The following AFF2 variants were observed in gnomAD, a reference collection of about 807,000 sequenced individuals.
The protein encoded by AFF2 is AF4/FMR2 family member 2.
AFF2 carries 14 observed loss-of-function variants against 76.9 expected under a neutral mutation model. The ratio of observed to expected loss-of-function variants is 0.18; its 90% CI spans 0.12 to 0.28. The LOEUF (loss-of-function observed/expected upper bound fraction) is 0.28, where lower values mean the gene tolerates loss of function less well. AFF2 is among the 10% of genes least tolerant of loss of function. The pLI, the probability that AFF2 is intolerant of heterozygous loss-of-function variation, is 1.00. For synonymous variants in AFF2, 398 were observed against 366.7 expected, an observed-to-expected ratio of 1.09 and a Z score of -0.98; for missense variants, 868 against 1,001.1, an observed-to-expected ratio of 0.87 and a Z score of 1.79.
At chrX:148,991,161 T>C in intron 20 of AFF2, 50 bp from the exon 21 acceptor site, 1 of 1,135,346 alleles carries the variant, frequency 8.8e-7, no homozygotes, top group Non-Finnish European at 1.2e-6. Flanking sequence ...GTGGTGCATA[T>C]TTTCATGATA....
intron 3 of AFF2, among the ~76,000 whole-genome samples, chrX:148,745,661 C>A (rs2055412110): frequency 9.0e-6 from 1 of 111,525 alleles, no homozygotes; most frequent in Non-Finnish European, 1.9e-5. Flanking sequence ...AATACTGAAG[C>A]CTGCAGTGCC....
chrX:148,573,687 C>T (rs1196496674), intron 1 of AFF2, among the ~76,000 whole-genome samples: 2 of 110,991 alleles, frequency 1.8e-5, no homozygotes, highest in Non-Finnish European at 3.8e-5. Context: ...GTGTCTTATT[C>T]CCACAACATA....
At chrX:148,891,616 G>A (rs943521627) in intron 8 of AFF2, among the ~76,000 whole-genome samples, 1 of 111,718 alleles carries the variant, frequency 9.0e-6, no homozygotes, top group Non-Finnish European at 1.9e-5. Context: ...TTAGAGCCAG[G>A]TAAACATCTG....
chrX:148,550,584 T>C (rs1476965036), intron 1 of AFF2, among the ~76,000 whole-genome samples: 2 of 111,703 alleles, frequency 1.8e-5, no homozygotes, highest in East Asian at 5.6e-4. Context: ...CAAGCTATGA[T>C]TTTTTGACCT....
intron 9 of AFF2, among the ~76,000 whole-genome samples, chrX:148,935,418 C>CACAT (rs1204207253): frequency 1.8e-5 from 2 of 109,599 alleles, no homozygotes; most frequent in African/African-American, 6.7e-5. Flanking sequence ...CACACACACA[C>CACAT]ATATATATGA....
chrX:148,979,256 G>A (rs781786802), intron 18 of AFF2, among the ~76,000 whole-genome samples: 16 of 111,960 alleles, frequency 1.4e-4, no homozygotes, highest in Non-Finnish European at 3.0e-4. Flanking sequence ...TGAAATGAGC[G>A]AAATTATGGC....
intron 1 of AFF2, among the ~76,000 whole-genome samples, chrX:148,567,904 C>T (rs782772188): frequency 9.0e-6 from 1 of 111,450 alleles, no homozygotes; most frequent in Non-Finnish European, 1.9e-5. Flanking sequence ...TCAGGAGGAG[C>T]GAGGTGTTCT....
intron 1 of AFF2, among the ~76,000 whole-genome samples, chrX:148,568,607 C>T (rs2053195874): frequency 8.9e-6 from 1 of 111,950 alleles, no homozygotes; most frequent in Admixed American, 9.5e-5. Flanking sequence ...TATCTGGTAA[C>T]TGACAAAAGA....
intron 1 of AFF2, among the ~76,000 whole-genome samples, chrX:148,597,818 C>T (rs184846894): frequency 2.9e-4 from 33 of 112,304 alleles, no homozygotes; most frequent in African/African-American, 9.4e-4. Flanking sequence ...CCACATATCC[C>T]GCCGGCGCCT....
rs1325552473 is a variant in AFF2, at chrX:148,917,370, G to A, written c.1397+13112G>A. On this transcript the variant is annotated intron_variant, in intron 9 of 20. Transcript: ENST00000370460. ...TTAGGCATTTTCAAGAATGATAGAA[G>A]TCAAATTTTCATAACATGGGACAAG... Among the ~76,000 whole-genome samples the A allele has an allele frequency of 8.9e-5, 10 of 112,195 alleles. No individual in the cohort carries two copies. The Admixed American group carries it at 9.4e-4, about 11-fold the overall frequency.
chrX:148,661,138 T>C (rs1318797531), intron 2 of AFF2, among the ~76,000 whole-genome samples: 1 of 112,656 alleles, frequency 8.9e-6, no homozygotes, highest in East Asian at 2.8e-4. Flanking sequence ...TTGTTTTGGT[T>C]TCCTTAAACA....
At chrX:148,535,542 T>A (rs962148502) in intron 1 of AFF2, among the ~76,000 whole-genome samples, 1 of 112,860 alleles carries the variant, frequency 8.9e-6, no homozygotes, top group Admixed American at 9.3e-5. Flanking sequence ...AATTTACCCA[T>A]TTCTGAAGTC....
intron 1 of AFF2, among the ~76,000 whole-genome samples, chrX:148,538,007 A>G (rs1042443876): frequency 8.9e-6 from 1 of 112,268 alleles, no homozygotes; most frequent in Admixed American, 9.4e-5. Context: ...GCAAGTTAAG[A>G]AATAGACTCA....
intron 1 of AFF2, among the ~76,000 whole-genome samples, chrX:148,594,063 T>TAGTAGTGGTAGGAGTAAA (rs1179666338): frequency 3.6e-5 from 4 of 111,188 alleles, no homozygotes; most frequent in Non-Finnish European, 5.7e-5. Context: ...AGTTGCATAT[T>TAGTAGTGGTAGGAGTAAA]AGTAGTGGTA....
chrX:148,778,223 G>A (rs1239022646), intron 3 of AFF2, among the ~76,000 whole-genome samples: 1 of 111,663 alleles, frequency 9.0e-6, no homozygotes, highest in Non-Finnish European at 1.9e-5. Flanking sequence ...TGGTGGATAA[G>A]CTTTTTGATG....
At chrX:148,952,861 G>T (rs1387467568) in intron 9 of AFF2, among the ~76,000 whole-genome samples, 2 of 111,612 alleles carry the variant, frequency 1.8e-5, no homozygotes, top group Non-Finnish European at 3.8e-5. Context: ...GCCTAGAAGT[G>T]TGTTGTCTCA....
At chrX:148,868,378 A>G (rs914676778) in intron 7 of AFF2, among the ~76,000 whole-genome samples, 1 of 112,018 alleles carries the variant, frequency 8.9e-6, no homozygotes, top group Admixed American at 9.5e-5. Flanking sequence ...AATTAGGGGA[A>G]TTGCCTGGCC....
chrX:148,886,793 C>G (rs980634806), intron 8 of AFF2, among the ~76,000 whole-genome samples: 2 of 112,319 alleles, frequency 1.8e-5, no homozygotes, highest in Non-Finnish European at 3.8e-5. Context: ...AGTACCTGAC[C>G]AAGATCTTCC....
intron 7 of AFF2, among the ~76,000 whole-genome samples, chrX:148,855,186 A>T (rs2070773734): frequency 9.0e-6 from 1 of 111,460 alleles, no homozygotes; most frequent in African/African-American, 3.3e-5. Flanking sequence ...TTTGGGTAGA[A>T]TCGCCTCTCA....
Sources: allele counts gnomAD v4.1 joint callset (sites outside exome capture counted in the v4.1 genomes callset), GRCh38; gene constraint gnomAD v4.1.1; transcripts MANE v1.5; gene names NCBI Gene and HGNC (gene_info 2026-07-23, HGNC 2026-07-21).